MYOM1: variants seen among roughly 807,000 people sequenced by gnomAD.
MYOM1 encodes the protein myomesin-1.
In MYOM1, 164 loss-of-function variants were observed where a neutral mutation model predicts 205.3. The observed-to-expected ratio is 0.80, with a 90% CI of 0.70 to 0.91. MYOM1 has a LOEUF of 0.91. Ranked by LOEUF, MYOM1 falls within the 40% of genes least tolerant of loss-of-function variation. MYOM1 has a pLI of 0.00. For missense variants in MYOM1, 2,011 were observed against 2,127.3 expected (o/e 0.95, Z 1.08); for synonymous variants, 772 against 789.4 (o/e 0.98, Z 0.37).
intron 2 of MYOM1, among the ~76,000 whole-genome samples, chr18:3,206,814 T>G (rs932564106): frequency 6.6e-6 from 1 of 152,178 alleles, no homozygotes; most frequent in African/African-American, 2.4e-5. Context: ...AAAAGTTTCT[T>G]ATGGTACAAA....
At chr18:3,133,365 T>A (rs2079905594) in intron 16 of MYOM1, among the ~76,000 whole-genome samples, 1 of 152,110 alleles carries the variant, frequency 6.6e-6, no homozygotes, top group Non-Finnish European at 1.5e-5. Flanking sequence ...AGCATCCCCC[T>A]CTCATACTGG....
chr18:3,150,479 G>A (rs58498925), intron 12 of MYOM1, among the ~76,000 whole-genome samples: 2,666 of 152,184 alleles, frequency 0.018, 72 homozygotes, highest in African/African-American at 0.06. Flanking sequence ...TGCCCTTTAG[G>A]TGACATTTGG....
intron 27 of MYOM1, among the ~76,000 whole-genome samples, 180 bp downstream of exon 27, chr18:3,090,478 T>C (rs1016167029): frequency 1.3e-5 from 2 of 152,042 alleles, no homozygotes; most frequent in African/African-American, 4.8e-5. Context: ...CCTCGGCCTC[T>C]CAAAGTGCTG....
chr18:3,154,918 C>G, intron 11 of MYOM1, 29 bp downstream of exon 11: 1 of 1,600,058 alleles, frequency 6.2e-7, no homozygotes, highest in Non-Finnish European at 8.5e-7. Context: ...GACCAAATAA[C>G]TGTAATTGAT....
At chr18:3,172,558 G>A (rs2080575623) in intron 8 of MYOM1, among the ~76,000 whole-genome samples, 1 of 152,004 alleles carries the variant, frequency 6.6e-6, no homozygotes, top group East Asian at 1.9e-4. Context: ...TGCCCAGGCT[G>A]GAATGCAGTG....
intron 17 of MYOM1, among the ~76,000 whole-genome samples, chr18:3,130,103 C>A (rs979509668): frequency 6.6e-6 from 1 of 151,120 alleles, no homozygotes; most frequent in Non-Finnish European, 1.5e-5. Flanking sequence ...AGTGCACTGG[C>A]GCAATCTCGG....
chr18:3,211,265 C>G (rs2081187606), intron 2 of MYOM1, among the ~76,000 whole-genome samples: 1 of 152,202 alleles, frequency 6.6e-6, no homozygotes, highest in South Asian at 2.1e-4. Flanking sequence ...CTTATTTCAT[C>G]CCAAGTCCTT....
At chr18:3,124,258 G>A (rs1272441792) in intron 19 of MYOM1, among the ~76,000 whole-genome samples, 1 of 150,956 alleles carries the variant, frequency 6.6e-6, no homozygotes, top group Non-Finnish European at 1.5e-5. Context: ...ATATGATACA[G>A]ATACCCCTGC....
At chr18:3,143,285 T>C (rs1392083032) in intron 13 of MYOM1, among the ~76,000 whole-genome samples, 1 of 152,120 alleles carries the variant, frequency 6.6e-6, no homozygotes, top group Non-Finnish European at 1.5e-5. Flanking sequence ...TCAGTGAAGA[T>C]ATATTTCAAG....
intron 37 of MYOM1, among the ~76,000 whole-genome samples, chr18:3,070,619 T>C (rs2078948120): frequency 6.6e-6 from 1 of 152,126 alleles, no homozygotes; most frequent in African/African-American, 2.4e-5. Flanking sequence ...TGGGGACAAG[T>C]TTCAGTGATT....
At chr18:3,220,144 G>A (rs1252250545), upstream of MYOM1, 1 of 152,032 alleles carries the variant, frequency 6.6e-6, no homozygotes, top group Non-Finnish European at 1.5e-5. Flanking sequence ...CCAAATATAG[G>A]GTTTTTATTT....
intron 5 of MYOM1, among the ~76,000 whole-genome samples, chr18:3,180,740 T>C (rs1440208024): frequency 6.6e-6 from 1 of 152,184 alleles, no homozygotes; most frequent in Non-Finnish European, 1.5e-5. Context: ...CTATAAGTTT[T>C]TCCAGTGACA....
chr18:3,139,586 G>T (rs2080021011), intron 14 of MYOM1, among the ~76,000 whole-genome samples: 1 of 152,196 alleles, frequency 6.6e-6, no homozygotes, highest in Non-Finnish European at 1.5e-5. Flanking sequence ...TAGCATATCA[G>T]AACAGCTACA....
In MYOM1 at chr18:3,102,645, A is replaced by T. The variant is rs773564846; in HGVS notation, c.3419-15T>A. 1.2e-6 allele frequency: 2 copies of T among 1,608,548 alleles called. No individual in the cohort carries two copies. Among genetic ancestry groups the T allele is most frequent in the South Asian group, 2.2e-5 (2 of 90,202 alleles). On this transcript the variant is annotated splice_polypyrimidine_tract_variant and intron_variant, in intron 22 of 37. Coordinates refer to ENST00000356443, the MANE Select transcript of MYOM1 (RefSeq NM_003803.4). ...CTCTTTGGTTCCTACAAGATCAAAA[A>T]GAAGGCACTGATACTTCGTGGAGGA...
In MYOM1 at chr18:3,170,729, C is replaced by G. The variant is rs80315995; in HGVS notation, c.1175-1748G>C. ...GACACTTTCACATTTGACATATCAT[C>G]AATCCCTTGCAACAAATCTATGCCG... On this transcript the variant is annotated intron_variant, in intron 8 of 37. Transcript: ENST00000356443. Among the ~76,000 whole-genome samples the G allele has an allele frequency of 1.2e-3, 178 of 152,280 alleles. 1 individual carries two copies. In the East Asian group the frequency reaches 0.027, roughly 23 times the overall value.
chr18:3,176,711 T>A lies in MYOM1; in HGVS notation c.930-577A>T, dbSNP rs971515852. ...GCCTGGCCAACGTGGTGAAATACCA[T>A]CTCTACTAGTAATACTAAAAATTAG... On this transcript the variant is annotated intron_variant, in intron 5 of 37. Coordinates refer to ENST00000356443, the MANE Select transcript of MYOM1 (RefSeq NM_003803.4). Among the ~76,000 whole-genome samples the A allele has an allele frequency of 2.6e-5, 4 of 151,362 alleles. No individual in the cohort carries two copies. The East Asian group carries it at 5.9e-4, about 22-fold the overall frequency.
chr18:3,162,058 G>A (rs1316675988), intron 10 of MYOM1, among the ~76,000 whole-genome samples: 1 of 152,124 alleles, frequency 6.6e-6, no homozygotes, highest in Non-Finnish European at 1.5e-5. Flanking sequence ...AAATGTTTAT[G>A]AGTTTATGAC....
At position 3,197,741 on chromosome 18, in the gene MYOM1, C is replaced by T. The variant is rs540236800; in HGVS notation, c.291-3783G>A. On this transcript the variant is annotated intron_variant, in intron 2 of 37. Transcript: ENST00000356443. Reference sequence around the variant, plus strand: ...ACAAAAAATTAGCTGGGCATGGTGGCAGGCGCCTGTGGTCCCAGCTACTCG... The same window carrying T: ...ACAAAAAATTAGCTGGGCATGGTGGTAGGCGCCTGTGGTCCCAGCTACTCG... Among the ~76,000 whole-genome samples the T allele has an allele frequency of 8.0e-3, 1,208 of 151,846 alleles. 33 individuals carry two copies. The highest frequency in any genetic ancestry group is 0.027 in the African/African-American group (1,129 of 41,296).
intron 19 of MYOM1, 70 bp downstream of exon 19, chr18:3,126,631 T>C (rs1015956297): frequency 1.9e-5 from 27 of 1,416,426 alleles, no homozygotes; most frequent in Admixed American, 6.2e-5. Flanking sequence ...GCTGGGTGTG[T>C]GCCTGCCTGG....
Sources: gnomAD v4.1 joint callset for allele counts (sites outside exome capture counted in the v4.1 genomes callset) on GRCh38, gnomAD v4.1.1 for gene constraint, MANE v1.5 for transcripts, NCBI Gene and HGNC (gene_info 2026-07-23, HGNC 2026-07-21) for gene names.